Variants in PDE4D observed in about 807,000 individuals in gnomAD.
The protein encoded by PDE4D is phosphodiesterase 4D.
A neutral mutation model predicts 87.4 loss-of-function variants in PDE4D; 24 were observed. The observed-to-expected ratio is 0.27, with a 90% CI of 0.20 to 0.39. PDE4D has a LOEUF of 0.39. Among genes scored for constraint, PDE4D ranks in the 10% least tolerant of loss-of-function variants. The probability of loss-of-function intolerance (pLI) is 1.00; values close to 1 mark genes in which losing one functional copy is unlikely to be tolerated. For missense variants in PDE4D, 714 were observed against 1,041.0 expected (o/e 0.69, Z 4.32); for synonymous variants, 384 against 383.2 (o/e 1.00, Z -0.02).
Position 59,056,559 on chromosome 5 carries a change from G to A in PDE4D, c.809-17588C>T, listed in dbSNP as rs557362840. On this transcript the variant is annotated intron_variant, in intron 5 of 14. Coordinates refer to ENST00000340635, the MANE Select transcript of PDE4D (RefSeq NM_001104631.2). ...CAGCCCAAACTAGGTTTTAAGACCC[G>A]CATGCATTCGGTATTTGTACTAATG... Among the ~76,000 whole-genome samples the A allele has an allele frequency of 1.1e-3, 161 of 152,112 alleles. 1 individual carries two copies. Among genetic ancestry groups the A allele is most frequent in the African/African-American group, 3.8e-3 (158 of 41,502 alleles).
chr5:59,460,648 G>A (rs757228686), intron 1 of PDE4D, among the ~76,000 whole-genome samples: 2 of 152,112 alleles, frequency 1.3e-5, no homozygotes, highest in Non-Finnish European at 2.9e-5. Flanking sequence ...CAAGAAGACG[G>A]GTGACTGCCT....
intron 1 of PDE4D, among the ~76,000 whole-genome samples, chr5:60,509,513 A>AT (rs920975225): frequency 1.5e-4 from 23 of 152,236 alleles, no homozygotes; most frequent in East Asian, 7.7e-4. Context: ...CCATACATTG[A>AT]TTTTCTCTCC....
At chr5:59,487,008 G>A (rs1805266465) in intron 1 of PDE4D, among the ~76,000 whole-genome samples, 1 of 152,162 alleles carries the variant, frequency 6.6e-6, no homozygotes, top group Admixed American at 6.5e-5. Flanking sequence ...TCCAGCCTAA[G>A]AGTTGTCTAT....
At chr5:59,285,226 A>AAG (rs1554121059) in intron 1 of PDE4D, among the ~76,000 whole-genome samples, 5,144 of 151,400 alleles carry the variant, frequency 0.034, 312 homozygotes, top group African/African-American at 0.12. Context: ...AAAAAAAAAA[A>AAG]AGAAAACAGG....
chr5:60,315,727 C>T (rs1755515905), intron 1 of PDE4D, among the ~76,000 whole-genome samples: 2 of 152,162 alleles, frequency 1.3e-5, no homozygotes, highest in East Asian at 3.9e-4. Flanking sequence ...TTCCCAGTGC[C>T]ATTTATTAAA....
intron 1 of PDE4D, among the ~76,000 whole-genome samples, chr5:59,525,730 T>C (rs550347982): frequency 4.6e-4 from 70 of 152,282 alleles, no homozygotes; most frequent in Admixed American, 3.0e-3. Flanking sequence ...TGGGAGGTGA[T>C]TAGATCATGG....
intron 2 of PDE4D, among the ~76,000 whole-genome samples, chr5:60,071,815 C>T (rs1245805672): frequency 6.6e-6 from 1 of 152,146 alleles, no homozygotes; most frequent in Non-Finnish European, 1.5e-5. Flanking sequence ...ATAACAGCCT[C>T]CAGCTCTATC....
chr5:60,231,035 A>C (rs1745745177), intron 1 of PDE4D, among the ~76,000 whole-genome samples: 1 of 152,104 alleles, frequency 6.6e-6, no homozygotes, highest in African/African-American at 2.4e-5. Flanking sequence ...TACAGAGGAA[A>C]GAAAATGTGT....
At chr5:59,280,330 G>A (rs1765586146) in intron 1 of PDE4D, among the ~76,000 whole-genome samples, 1 of 152,000 alleles carries the variant, frequency 6.6e-6, no homozygotes, top group Non-Finnish European at 1.5e-5. Context: ...AAATTACATT[G>A]GCTATTAAAA....
At chr5:60,436,391 T>C (rs1196245059) in intron 1 of PDE4D, among the ~76,000 whole-genome samples, 1 of 152,088 alleles carries the variant, frequency 6.6e-6, no homozygotes, top group Non-Finnish European at 1.5e-5. Context: ...CCAGCTTTCA[T>C]TTATTTCCCT....
intron 2 of PDE4D, among the ~76,000 whole-genome samples, chr5:60,060,151 G>C (rs1017733583): frequency 6.6e-6 from 1 of 151,952 alleles, no homozygotes; most frequent in Non-Finnish European, 1.5e-5. Flanking sequence ...AGAAAATCTT[G>C]ATTTCCATCA....
chr5:59,223,611 C>T (rs1271839575), intron 1 of PDE4D, among the ~76,000 whole-genome samples: 3 of 152,192 alleles, frequency 2.0e-5, no homozygotes, highest in Non-Finnish European at 2.9e-5. Context: ...TTATGAAGCT[C>T]GTTTCTAATC....
rs979157473 is a variant in PDE4D at position 59,427,024 on chromosome 5, C to T, written c.456-211056G>A. Among the ~76,000 whole-genome samples, 30 of 149,822 alleles carry T rather than the reference C, an allele frequency of 2.0e-4. 1 individual carries two copies. In the East Asian group the frequency reaches 2.6e-3, roughly 13 times the overall value. On this transcript the variant is annotated intron_variant, in intron 1 of 14. Coordinates refer to ENST00000340635, the MANE Select transcript of PDE4D (RefSeq NM_001104631.2). ...ACACACACACACACACACACACACA[C>T]ACACACACACACACACACACACACA...
intron 1 of PDE4D, among the ~76,000 whole-genome samples, chr5:59,382,548 A>C (rs1333048253): frequency 6.6e-6 from 1 of 152,156 alleles, no homozygotes; most frequent in Admixed American, 6.6e-5. Context: ...AATAATGCTT[A>C]TTGGTTCTTA....
At chr5:60,295,511 C>G (rs1241868007) in intron 1 of PDE4D, among the ~76,000 whole-genome samples, 1 of 152,186 alleles carries the variant, frequency 6.6e-6, no homozygotes, top group Non-Finnish European at 1.5e-5. Context: ...AATATTCCTA[C>G]AGATGACTCC....
intron 1 of PDE4D, among the ~76,000 whole-genome samples, chr5:59,694,614 G>A (rs1373315836): frequency 3.9e-5 from 6 of 152,194 alleles, no homozygotes; most frequent in Non-Finnish European, 7.3e-5. Context: ...AGACTATTAA[G>A]AGACTCCTGA....
At chr5:59,355,930 G>A (rs1303360272) in intron 1 of PDE4D, among the ~76,000 whole-genome samples, 1 of 152,104 alleles carries the variant, frequency 6.6e-6, no homozygotes, top group African/African-American at 2.4e-5. Context: ...CAGATGTGCT[G>A]CATTTGGTCT....
intron 1 of PDE4D, among the ~76,000 whole-genome samples, chr5:59,392,948 T>C (rs540149270): frequency 6.6e-6 from 1 of 152,214 alleles, no homozygotes; most frequent in South Asian, 2.1e-4. Flanking sequence ...AGGACCTATG[T>C]GATGTGAACT....
At chr5:59,574,063 T>TATATATATTTATATATAAAA (rs1822452830) in intron 1 of PDE4D, among the ~76,000 whole-genome samples, 2 of 14,780 alleles carry the variant, frequency 1.4e-4, no homozygotes, top group Non-Finnish European at 2.5e-4. Flanking sequence ...TATATAAAAA[T>TATATATATTTATATATAAAA]ATATATATTT....
Sources: allele counts gnomAD v4.1 joint callset (sites outside exome capture counted in the v4.1 genomes callset), GRCh38; gene constraint gnomAD v4.1.1; transcripts MANE v1.5; gene names NCBI Gene and HGNC (gene_info 2026-07-23, HGNC 2026-07-21).